Variants in ZNF423 observed in about 807,000 individuals in gnomAD.
ZNF423 encodes the protein Ebf-associated zinc finger protein.
ZNF423 carries 12 observed loss-of-function variants against 95.8 expected under a neutral mutation model. The ratio of observed to expected loss-of-function variants is 0.13; its 90% confidence interval spans 0.08 to 0.20. The LOEUF (loss-of-function observed/expected upper bound fraction) is 0.20. Ranked by LOEUF, ZNF423 falls within the 10% of genes least tolerant of loss-of-function variation. The pLI is 1.00. For synonymous variants in ZNF423, 749 were observed against 711.9 expected (o/e 1.05, Z -0.83); for missense variants, 1,316 against 1,737.1 (o/e 0.76, Z 4.31).
chr16:49,665,370 C>T (rs2030486044), intron 3 of ZNF423, among the ~76,000 whole-genome samples: 1 of 152,070 alleles, frequency 6.6e-6, no homozygotes, highest in South Asian at 2.1e-4. Context: ...GAGCTCGCAG[C>T]CTAGGTGGAG....
chr16:49,703,242 C>A (rs882352), intron 3 of ZNF423, among the ~76,000 whole-genome samples: 21,126 of 152,198 alleles, frequency 0.14, 1,981 homozygotes, highest in South Asian at 0.35. Flanking sequence ...TTCTTGAAAA[C>A]ATTTATTCTT....
At chr16:49,491,357 C>T in intron 7 of ZNF423, 53 bp from the exon 8 acceptor site, 1 of 1,607,640 alleles carries the variant, frequency 6.2e-7, no homozygotes, top group Non-Finnish European at 8.5e-7. Context: ...GGAGAGCATG[C>T]TCGTCCCTCC....
chr16:49,576,244 G>T (rs114101237), intron 5 of ZNF423, among the ~76,000 whole-genome samples: 135 of 152,318 alleles, frequency 8.9e-4, no homozygotes, highest in African/African-American at 3.1e-3. Context: ...GGAACACTGG[G>T]AACAGCAACC....
At chr16:49,663,767 G>A (rs113981777) in intron 3 of ZNF423, among the ~76,000 whole-genome samples, 8 of 152,216 alleles carry the variant, frequency 5.3e-5, no homozygotes, top group African/African-American at 1.4e-4. Context: ...CAGGAGAGAG[G>A]CAAGGGAGGG....
At chr16:49,656,422 G>A (rs1372642923) in intron 3 of ZNF423, among the ~76,000 whole-genome samples, 1 of 151,912 alleles carries the variant, frequency 6.6e-6, no homozygotes, top group African/African-American at 2.4e-5. Context: ...AAGGCAAGAG[G>A]ATTGCTTGAA....
chr16:49,676,668 C>T (rs778461871), intron 3 of ZNF423, among the ~76,000 whole-genome samples: 2 of 152,086 alleles, frequency 1.3e-5, no homozygotes, highest in African/African-American at 2.4e-5. Context: ...CCACTTGACA[C>T]CCTAGATGGG....
intron 1 of ZNF423, chr16:49,853,986 G>A: frequency 1.0e-6 from 1 of 985,416 alleles, no homozygotes; most frequent in Non-Finnish European, 1.2e-6. Flanking sequence ...CCTCTTAAGT[G>A]GCTCCTGAAG....
intron 7 of ZNF423, among the ~76,000 whole-genome samples, chr16:49,516,464 A>G (rs1968149746): frequency 6.6e-6 from 1 of 152,146 alleles, no homozygotes; most frequent in African/African-American, 2.4e-5. Context: ...TTTGCAACTG[A>G]ACTCTTAAGT....
In ZNF423 at chr16:49,636,012, G is replaced by A. The variant is rs111229124; in HGVS notation, c.3164C>T (p.Ala1055Val). 8.5e-3 allele frequency: 13,684 copies of A among 1,606,776 alleles called. 81 individuals carry two copies. The highest frequency in any genetic ancestry group is 0.011 in the Non-Finnish European group (12,397 of 1,174,896). ...GGGGGAGGACGCCGCTGAGCTGCCC[G>A]CCAGCTTCTGCATGTGGAAGGTGCC... ...IHGTFHMQKL[A>V]GSSAASSPNG... Residue 1055 changes from alanine to valine, a missense_variant, in exon 4 of 8, where the codon GCG (alanine) becomes GTG (valine). By Grantham distance (64) the Ala-to-Val change is moderately conservative. Coordinates refer to ENST00000563137, the MANE Select transcript of ZNF423 (RefSeq NM_001379286.1). The surrounding 1 kb of genome is among the most constrained non-coding windows in gnomAD (Gnocchi z 8.6).
At chr16:49,715,991 T>A (rs1182992389) in intron 3 of ZNF423, among the ~76,000 whole-genome samples, 1 of 151,778 alleles carries the variant, frequency 6.6e-6, no homozygotes. Context: ...GATGCTGCAG[T>A]GAGCTGTGAT....
chr16:49,681,015 C>T (rs555637560), intron 3 of ZNF423, among the ~76,000 whole-genome samples: 2 of 152,170 alleles, frequency 1.3e-5, no homozygotes, highest in Admixed American at 6.5e-5. Context: ...TAAGAAATGT[C>T]GGTGTCCAAA....
intron 7 of ZNF423, among the ~76,000 whole-genome samples, chr16:49,494,515 G>A (rs768753082): frequency 6.6e-6 from 1 of 152,184 alleles, no homozygotes; most frequent in Admixed American, 6.5e-5. Context: ...TGATTTAGAG[G>A]GGCTAGACAC....
chr16:49,598,776 A>G (rs1014186914), intron 5 of ZNF423, among the ~76,000 whole-genome samples: 2 of 152,272 alleles, frequency 1.3e-5, no homozygotes, highest in African/African-American at 4.8e-5. Flanking sequence ...ATATCCAGGG[A>G]AAAACTGAAG....
chr16:49,721,435 T>A (rs2032862342), intron 3 of ZNF423, among the ~76,000 whole-genome samples: 1 of 152,106 alleles, frequency 6.6e-6, no homozygotes, highest in African/African-American at 2.4e-5. Flanking sequence ...AACAGCAGGC[T>A]GGACCCAGAC....
At chr16:49,604,926 G>C (rs1322979253) in intron 5 of ZNF423, among the ~76,000 whole-genome samples, 2 of 152,152 alleles carry the variant, frequency 1.3e-5, no homozygotes, top group Non-Finnish European at 2.9e-5. Flanking sequence ...AGAATGCAAA[G>C]GAACAGTTGA....
intron 5 of ZNF423, among the ~76,000 whole-genome samples, chr16:49,589,686 A>G (rs1234951186): frequency 5.9e-5 from 9 of 152,162 alleles, no homozygotes; most frequent in Non-Finnish European, 1.0e-4. Context: ...TGATAATTTA[A>G]ATGAAAAAAT....
At chr16:49,654,314 G>A (rs1973525113) in intron 3 of ZNF423, among the ~76,000 whole-genome samples, 2 of 152,236 alleles carry the variant, frequency 1.3e-5, no homozygotes, top group African/African-American at 4.8e-5. Context: ...TCTCACAGGT[G>A]GTGGTGGGAA....
chr16:49,671,126 C>T (rs898629880), intron 3 of ZNF423, among the ~76,000 whole-genome samples: 32 of 152,222 alleles, frequency 2.1e-4, no homozygotes, highest in African/African-American at 7.0e-4. Context: ...ACAGGATTCC[C>T]GGGACTAGGA....
chr16:49,529,399 T>C (rs1487172202), intron 5 of ZNF423, among the ~76,000 whole-genome samples: 3 of 152,116 alleles, frequency 2.0e-5, no homozygotes, highest in African/African-American at 4.8e-5. Context: ...GTCTCTCCTT[T>C]CTCCCTCCTC....
Sources: gnomAD v4.1 joint callset for allele counts (sites outside exome capture counted in the v4.1 genomes callset) on GRCh38, gnomAD v4.1.1 for gene constraint, Gnocchi (gnomAD v3.1) non-coding constraint, MANE v1.5 for transcripts, NCBI Gene and HGNC (gene_info 2026-07-23, HGNC 2026-07-21) for gene names.